GRIK1: variants seen among roughly 807,000 people sequenced by gnomAD.
GRIK1 encodes the protein glutamate ionotropic receptor kainate type subunit 1.
GRIK1 carries 69 observed loss-of-function variants against 105.7 expected under a neutral mutation model. The observed-to-expected ratio is 0.65, with a 90% CI of 0.54 to 0.80. GRIK1 has a LOEUF of 0.80. GRIK1 is among the 30% of genes least tolerant of loss of function. The pLI is 0.00. For missense variants in GRIK1, 1,109 were observed against 1,167.3 expected, an observed-to-expected ratio of 0.95 and a Z score of 0.73; for synonymous variants, 438 against 431.3, an observed-to-expected ratio of 1.02 and a Z score of -0.19.
At chr21:29,556,631 T>G (rs952676013) in intron 15 of GRIK1, among the ~76,000 whole-genome samples, 4 of 152,162 alleles carry the variant, frequency 2.6e-5, no homozygotes, top group African/African-American at 7.2e-5. Context: ...ATGTGACTGG[T>G]TTCTAGCCAA....
intron 9 of GRIK1, among the ~76,000 whole-genome samples, chr21:29,595,706 TAG>T (rs964905670): frequency 3.3e-5 from 5 of 151,586 alleles, no homozygotes; most frequent in African/African-American, 7.3e-5. Flanking sequence ...CAAGTAGTTT[TAG>T]AGAGAGAGAG....
chr21:29,572,784 T>C (rs980873010), intron 14 of GRIK1, among the ~76,000 whole-genome samples: 5 of 152,164 alleles, frequency 3.3e-5, no homozygotes, highest in Non-Finnish European at 5.9e-5. Flanking sequence ...TCTTCTTCTT[T>C]TTTGAGACGG....
At chr21:29,573,663 A>C (rs1325573471) in intron 14 of GRIK1, among the ~76,000 whole-genome samples, 2 of 152,174 alleles carry the variant, frequency 1.3e-5, no homozygotes, top group Non-Finnish European at 2.9e-5. Context: ...CAGCCTGGCC[A>C]ACATGGTGAA....
chr21:29,822,127 T>G (rs2067322350), intron 1 of GRIK1, among the ~76,000 whole-genome samples: 2 of 152,074 alleles, frequency 1.3e-5, no homozygotes, highest in African/African-American at 2.4e-5. Context: ...ATCAGGAAAG[T>G]GTTTCTGTAA....
intron 7 of GRIK1, among the ~76,000 whole-genome samples, chr21:29,629,194 A>G (rs1008060779): frequency 7.5e-6 from 1 of 132,570 alleles, no homozygotes; most frequent in African/African-American, 3.1e-5. Flanking sequence ...GAAAGGAGAA[A>G]TGTGTGTGTG....
At chr21:29,881,684 T>G (rs935942341) in intron 1 of GRIK1, among the ~76,000 whole-genome samples, 2 of 152,102 alleles carry the variant, frequency 1.3e-5, no homozygotes, top group Non-Finnish European at 2.9e-5. Flanking sequence ...ACAAGATTCT[T>G]CAATTCCCTG....
intron 1 of GRIK1, among the ~76,000 whole-genome samples, chr21:29,838,017 G>A (rs1320116623): frequency 6.6e-6 from 1 of 152,126 alleles, no homozygotes; most frequent in African/African-American, 2.4e-5. Context: ...AGAGGAAGAT[G>A]GTTCAAAAAG....
In GRIK1 at chr21:29,774,767, T is replaced by A. The variant is rs1382264949; in HGVS notation, c.119-80704A>T. On this transcript the variant is annotated intron_variant, in intron 1 of 17. Coordinates refer to ENST00000327783, the MANE Select transcript of GRIK1 (RefSeq NM_001330994.2). ...ATCAAGTGCTGTTTCTTTATCTCCC[T>A]CTTTTTCTAAGTTGAGGTTTCTGAT... 2.0e-5 allele frequency among the ~76,000 whole-genome samples: 3 copies of A among 152,124 alleles called. No homozygotes were observed. The East Asian group carries it at 5.8e-4, about 29-fold the overall frequency.
At chr21:29,648,928 A>G (rs567552155) in intron 6 of GRIK1, among the ~76,000 whole-genome samples, 4 of 152,322 alleles carry the variant, frequency 2.6e-5, no homozygotes, top group South Asian at 2.1e-4. Flanking sequence ...ACTGAAACCA[A>G]AGGACTTTTT....
At chr21:29,604,233 G>C (rs960592513) in intron 7 of GRIK1, among the ~76,000 whole-genome samples, 4 of 151,950 alleles carry the variant, frequency 2.6e-5, no homozygotes, top group Admixed American at 6.6e-5. Flanking sequence ...TCATCCAAGT[G>C]GCAAAAAAGT....
intron 1 of GRIK1, among the ~76,000 whole-genome samples, chr21:29,909,719 T>C (rs2070752438): frequency 6.6e-6 from 1 of 152,150 alleles, no homozygotes; most frequent in Non-Finnish European, 1.5e-5. Flanking sequence ...TCCTGAGCAG[T>C]TGGCAAGGTG....
At chr21:29,591,292 C>T in intron 9 of GRIK1, 67 bp from the exon 10 acceptor site, 2 of 906,282 alleles carry the variant, frequency 2.2e-6, no homozygotes, top group Non-Finnish European at 3.7e-6. Flanking sequence ...AAGAGAGGCC[C>T]CTTCTCTACC....
At chr21:29,687,758 T>C (rs1158562262) in intron 3 of GRIK1, among the ~76,000 whole-genome samples, 1 of 152,240 alleles carries the variant, frequency 6.6e-6, no homozygotes, top group African/African-American at 2.4e-5. Context: ...GAATATCAAG[T>C]TTTCTGTCAT....
intron 1 of GRIK1, among the ~76,000 whole-genome samples, chr21:29,905,115 C>T (rs1164095952): frequency 6.6e-6 from 1 of 152,148 alleles, no homozygotes; most frequent in Non-Finnish European, 1.5e-5. Flanking sequence ...TCATTTTAAA[C>T]CTGGATCAAA....
chr21:29,779,653 T>C (rs2066037370), intron 1 of GRIK1, among the ~76,000 whole-genome samples: 1 of 152,202 alleles, frequency 6.6e-6, no homozygotes, highest in Admixed American at 6.5e-5. Context: ...ATATATAGTA[T>C]GAGCCCAAAG....
chr21:29,769,322 C>A (rs760956750), intron 1 of GRIK1, among the ~76,000 whole-genome samples: 2 of 152,088 alleles, frequency 1.3e-5, no homozygotes, highest in Admixed American at 1.3e-4. Flanking sequence ...GAGACAGACG[C>A]GTACAGAGAG....
chr21:29,652,655 T>C (rs919948960), intron 5 of GRIK1, among the ~76,000 whole-genome samples: 11 of 152,250 alleles, frequency 7.2e-5, no homozygotes, highest in Non-Finnish European at 4.4e-5. Context: ...TTTTCTTATA[T>C]GAAAAGACTA....
intron 1 of GRIK1, among the ~76,000 whole-genome samples, chr21:29,767,914 T>C (rs1365252751): frequency 6.6e-6 from 1 of 150,642 alleles, no homozygotes; most frequent in Non-Finnish European, 1.5e-5. Context: ...ATGTATTCCA[T>C]GTAATGGAAA....
chr21:29,660,508 T>C (rs1259688545), intron 4 of GRIK1, among the ~76,000 whole-genome samples: 1 of 152,148 alleles, frequency 6.6e-6, no homozygotes, highest in East Asian at 1.9e-4. Flanking sequence ...GAGACAGCAA[T>C]GAAAAATTCC....
Sources: allele counts gnomAD v4.1 joint callset (sites outside exome capture counted in the v4.1 genomes callset), GRCh38; gene constraint gnomAD v4.1.1; transcripts MANE v1.5; gene names NCBI Gene and HGNC (gene_info 2026-07-23, HGNC 2026-07-21).